ATE1: variants seen among roughly 807,000 people sequenced by gnomAD.
ATE1 encodes arginyl-tRNA--protein transferase 1.
ATE1 carries 36 observed loss-of-function variants against 70.5 expected under a neutral mutation model. The observed-to-expected ratio is 0.51, with a 90% CI of 0.39 to 0.67. The LOEUF is 0.67. Ranked by LOEUF, ATE1 falls within the 30% of genes least tolerant of loss-of-function variation. The pLI, the probability that ATE1 is intolerant of heterozygous loss-of-function variation, is 0.00. For synonymous variants in ATE1, 232 were observed against 219.3 expected (o/e 1.06, Z -0.51); for missense variants, 593 against 629.5 (o/e 0.94, Z 0.62).
At chr10:121,861,858 C>A (rs986734345) in intron 8 of ATE1, among the ~76,000 whole-genome samples, 4 of 152,044 alleles carry the variant, frequency 2.6e-5, no homozygotes, top group African/African-American at 7.2e-5. Context: ...GGGTTAACAA[C>A]AACAATGTAC....
intron 10 of ATE1, among the ~76,000 whole-genome samples, chr10:121,791,336 C>T (rs1476391187): frequency 6.6e-6 from 1 of 151,932 alleles, no homozygotes; most frequent in African/African-American, 2.4e-5. Flanking sequence ...TCAGGTGATC[C>T]GCCCACCTCA....
chr10:121,863,213 G>A (rs1447093155), intron 8 of ATE1, among the ~76,000 whole-genome samples: 1 of 148,066 alleles, frequency 6.8e-6, no homozygotes, highest in African/African-American at 2.5e-5. Context: ...TTATTGTTAT[G>A]AAATGTCACT....
At chr10:121,818,612 A>G (rs1442544450) in intron 10 of ATE1, among the ~76,000 whole-genome samples, 1 of 152,232 alleles carries the variant, frequency 6.6e-6, no homozygotes, top group Non-Finnish European at 1.5e-5. Flanking sequence ...TTTTTAAATG[A>G]ACATATATAT....
intron 7 of ATE1, among the ~76,000 whole-genome samples, chr10:121,879,021 A>T (rs937801394): frequency 1.3e-5 from 2 of 152,238 alleles, no homozygotes; most frequent in African/African-American, 2.4e-5. Flanking sequence ...GGTGACAAAT[A>T]GGTGTTTAGG....
intron 10 of ATE1, among the ~76,000 whole-genome samples, chr10:121,814,471 T>C (rs1947456832): frequency 6.6e-6 from 1 of 152,310 alleles, no homozygotes; most frequent in South Asian, 2.1e-4. Context: ...TGACGATGAC[T>C]TCTCAGCACT....
chr10:121,854,882 T>C (rs180854690), intron 8 of ATE1, among the ~76,000 whole-genome samples: 1 of 152,156 alleles, frequency 6.6e-6, no homozygotes, highest in Non-Finnish European at 1.5e-5. Context: ...CAGGAAAAAG[T>C]TTCCTCCCCT....
At chr10:121,746,788 C>G (rs1944390924) in intron 11 of ATE1, among the ~76,000 whole-genome samples, 1 of 151,804 alleles carries the variant, frequency 6.6e-6, no homozygotes. Flanking sequence ...TCTTCCTCAA[C>G]AGTCGTTGCT....
intron 11 of ATE1, among the ~76,000 whole-genome samples, chr10:121,771,542 G>A (rs954207069): frequency 6.6e-6 from 1 of 152,136 alleles, no homozygotes; most frequent in Admixed American, 6.6e-5. Context: ...TTTATCTTAA[G>A]GTCCTAAAGC....
chr10:121,877,983 T>C (rs965235627), intron 7 of ATE1, among the ~76,000 whole-genome samples: 1 of 152,234 alleles, frequency 6.6e-6, no homozygotes, highest in Non-Finnish European at 1.5e-5. Context: ...TCAACACATA[T>C]GCCCAGCAAT....
upstream of ATE1, chr10:121,928,330 G>A: frequency 6.6e-7 from 1 of 1,517,324 alleles, no homozygotes; most frequent in Non-Finnish European, 8.8e-7. Flanking sequence ...GCCAACTCCG[G>A]CGTCGGGAAC....
chr10:121,914,523 C>G lies in ATE1; in HGVS notation c.234-630G>C, dbSNP rs948746640. Among the ~76,000 whole-genome samples, 5 of 151,534 alleles carry G rather than the reference C, an allele frequency of 3.3e-5. No homozygotes were observed. The Middle Eastern group carries it at 0.01, about 311-fold the overall frequency. Reference sequence around the variant, plus strand: ...GGCCAACAGTGGAAAAAAAAAAAGCCAATTTTCTCTATATTACCCTTAAAA... The same window carrying G: ...GGCCAACAGTGGAAAAAAAAAAAGCGAATTTTCTCTATATTACCCTTAAAA... On this transcript the variant is annotated intron_variant, in intron 3 of 11. Transcript: ENST00000224652.
rs547998610 is a variant in ATE1, at chr10:121,881,391, G to A, written c.943-11353C>T. On this transcript the variant is annotated intron_variant, in intron 7 of 11. Transcript: ENST00000224652. ...ATATAGCTAACTTATCAAAACGAGA[G>A]ATCTGCTCCTGTATGAACAAGAAGC... is the stretch of plus-strand genomic sequence containing the variant. Among the ~76,000 whole-genome samples, 4 of 152,202 alleles carry A rather than the reference G, an allele frequency of 2.6e-5. No homozygotes were observed. The South Asian group carries it at 8.3e-4, about 32-fold the overall frequency.
At chr10:121,764,850 T>C (rs1945210825) in intron 11 of ATE1, among the ~76,000 whole-genome samples, 1 of 152,174 alleles carries the variant, frequency 6.6e-6, no homozygotes, top group Non-Finnish European at 1.5e-5. Context: ...AACAAGCATA[T>C]AATCACTCAT....
At position 121,927,954 on chromosome 10, in the gene ATE1, TCGGCCCCGCGAACGCTCAGCCGCC is replaced by T. The variant is rs757018774; in HGVS notation, c.-29_-6del. ...ACCCCCCGCCCAGAAAGCCATGGCC[TCGGCCCCGCGAACGCTCAGCCGCC>T]CGGCCCCGCGTCGCTAGCGCGGCCG... On this transcript the variant is annotated 5_prime_UTR_variant, in exon 1 of 12. Coordinates refer to ENST00000224652, the MANE Select transcript of ATE1 (RefSeq NM_001001976.3). 221 of 1,534,320 alleles carry T rather than the reference TCGGCCCCGCGAACGCTCAGCCGCC, an allele frequency of 1.4e-4. 1 individual carries two copies. In the East Asian group the frequency reaches 3.7e-3, roughly 26 times the overall value.
intron 10 of ATE1, among the ~76,000 whole-genome samples, chr10:121,826,519 G>A (rs1948022323): frequency 6.6e-6 from 1 of 152,180 alleles, no homozygotes; most frequent in African/African-American, 2.4e-5. Context: ...TGTTGGCCAG[G>A]ATGGTCTCAA....
intron 7 of ATE1, among the ~76,000 whole-genome samples, chr10:121,882,725 T>C (rs867798121): frequency 3.1e-4 from 47 of 152,210 alleles, no homozygotes; most frequent in African/African-American, 1.1e-3. Flanking sequence ...CTTCACACCA[T>C]TCAATCCAAA....
intron 10 of ATE1, among the ~76,000 whole-genome samples, chr10:121,808,720 T>G (rs913943618): frequency 6.6e-6 from 1 of 152,180 alleles, no homozygotes; most frequent in Non-Finnish European, 1.5e-5. Flanking sequence ...CATTACACTA[T>G]GTGTGTGGGA....
intron 10 of ATE1, among the ~76,000 whole-genome samples, chr10:121,836,299 T>C (rs942344155): frequency 1.3e-5 from 2 of 152,160 alleles, no homozygotes; most frequent in South Asian, 2.1e-4. Flanking sequence ...AGAAGATCCA[T>C]GCAACTTCAG....
chr10:121,779,301 AT>A (rs1237503681), intron 11 of ATE1, among the ~76,000 whole-genome samples: 1 of 152,116 alleles, frequency 6.6e-6, no homozygotes, highest in Non-Finnish European at 1.5e-5. Context: ...ATCTACATAG[AT>A]TTCATCACCA....
Sources: allele counts gnomAD v4.1 joint callset (sites outside exome capture counted in the v4.1 genomes callset), GRCh38; gene constraint gnomAD v4.1.1; transcripts MANE v1.5; gene names NCBI Gene and HGNC (gene_info 2026-07-23, HGNC 2026-07-21).